Variants in IFT122 observed in about 807,000 individuals in gnomAD.
IFT122 encodes intraflagellar transport 122, also known as intraflagellar transport protein 122 homolog.
A neutral mutation model predicts 161.6 loss-of-function variants in IFT122; 118 were observed. The ratio of observed to expected loss-of-function variants is 0.73; its 90% CI spans 0.63 to 0.85. The LOEUF is 0.85. Among genes scored for constraint, IFT122 ranks in the 40% least tolerant of loss-of-function variants. The probability of loss-of-function intolerance (pLI) is 0.00; values close to 1 mark genes in which losing one functional copy is unlikely to be tolerated. For synonymous variants in IFT122, 550 were observed against 602.4 expected (o/e 0.91, Z 1.27); for missense variants, 1,381 against 1,579.6 (o/e 0.87, Z 2.13).
chr3:129,440,914 T>C (rs550331388), intron 1 of IFT122, among the ~76,000 whole-genome samples: 45 of 152,304 alleles, frequency 3.0e-4, no homozygotes, highest in Middle Eastern at 3.4e-3. Flanking sequence ...CTGAACAAGC[T>C]GTAGCTAGCT....
intron 9 of IFT122, among the ~76,000 whole-genome samples, chr3:129,475,729 G>A (rs751139167): frequency 1.1e-4 from 16 of 151,976 alleles, no homozygotes; most frequent in East Asian, 9.7e-4. Context: ...CAGGAAGATC[G>A]CTTGAGTCCA....
chr3:129,491,512 C>A (rs1417645288), intron 16 of IFT122, among the ~76,000 whole-genome samples: 1 of 152,170 alleles, frequency 6.6e-6, no homozygotes, highest in Non-Finnish European at 1.5e-5. Flanking sequence ...ACTGTGAGTT[C>A]AAGGCAAGGG....
chr3:129,477,919 T>C (rs2078151241), intron 11 of IFT122, 97 bp from the exon 12 acceptor site: 2 of 972,526 alleles, frequency 2.1e-6, no homozygotes, highest in East Asian at 4.8e-5. Flanking sequence ...TCACTTTAAT[T>C]GCCAGTAGCG....
At chr3:129,488,091 C>G (rs940675972) in intron 15 of IFT122, 166 bp from the exon 16 acceptor site, 11 of 1,030,206 alleles carry the variant, frequency 1.1e-5, no homozygotes, top group Non-Finnish European at 1.3e-5. Context: ...ATGGAGCACA[C>G]AGGGTGGGCT....
At position 129,467,041 on chromosome 3, in the gene IFT122, G is replaced by A. The variant is rs1432930717; in HGVS notation, c.715G>A (p.Asp239Asn). The A allele has an allele frequency of 1.9e-6, 3 of 1,613,932 alleles. No homozygotes were observed. The highest frequency in any genetic ancestry group is 2.5e-6 in the Non-Finnish European group (3 of 1,180,018). The stretch of plus-strand genomic sequence containing the variant: ...AGAGGAGGAAGAACCAGAGGAAGAG[G>A]ACGACAGTCCCAGGGACGACAACTT... ...EAEEEEPEEE[D>N]DSPRDDNLEE... Residue 239 changes from aspartate to asparagine, a missense_variant, in exon 8 of 30, where the codon GAC becomes AAC. Coordinates refer to ENST00000348417, the MANE Select transcript of IFT122 (RefSeq NM_052989.3).
At chr3:129,508,972 A>T (rs769355730) in intron 23 of IFT122, among the ~76,000 whole-genome samples, 2 of 152,168 alleles carry the variant, frequency 1.3e-5, no homozygotes, top group Non-Finnish European at 2.9e-5. Context: ...TTTCACCAGG[A>T]TCAGACAACT....
chr3:129,493,508 A>G (rs530715397), intron 17 of IFT122, among the ~76,000 whole-genome samples: 1 of 152,324 alleles, frequency 6.6e-6, no homozygotes, highest in East Asian at 1.9e-4. Context: ...TCCATGCAGG[A>G]GGAAATTAAG....
intron 6 of IFT122, among the ~76,000 whole-genome samples, chr3:129,464,192 T>C (rs57400559): frequency 0.13 from 20,203 of 152,258 alleles, 1,719 homozygotes; most frequent in South Asian, 0.24. Flanking sequence ...GCTGTTCAGC[T>C]TCTAGGAGTA....
At chr3:129,476,940 GTTTTCT>G in intron 11 of IFT122, 139 bp downstream of exon 11, 14 of 714,938 alleles carry the variant, frequency 2.0e-5, no homozygotes, top group South Asian at 9.9e-5. Flanking sequence ...TCTGTGTCTT[GTTTTCT>G]TTTTTTTTTT....
chr3:129,456,937 T>A (rs1188119724), intron 3 of IFT122, among the ~76,000 whole-genome samples: 1 of 152,170 alleles, frequency 6.6e-6, no homozygotes, highest in Non-Finnish European at 1.5e-5. Flanking sequence ...ACTTTACAGA[T>A]ACTATCTTAG....
At chr3:129,448,640 A>G (rs1577193285) in intron 1 of IFT122, among the ~76,000 whole-genome samples, 1 of 152,062 alleles carries the variant, frequency 6.6e-6, no homozygotes, top group Non-Finnish European at 1.5e-5. Context: ...TTCTATTGGC[A>G]CAGCTGCCGG....
intron 12 of IFT122, 99 bp downstream of exon 12, chr3:129,478,317 A>C (rs2078206679): frequency 1.9e-5 from 18 of 967,826 alleles, no homozygotes; most frequent in South Asian, 1.8e-4. Context: ...TGGTCACTAG[A>C]AAACAAGTCT....
chr3:129,502,831 T>C lies in IFT122; in HGVS notation c.2496T>C (p.Gly832=), dbSNP rs1488205705. The C allele has an allele frequency of 7.4e-6, 12 of 1,612,860 alleles. No homozygotes were observed. The highest frequency in any genetic ancestry group is 1.3e-5 in the African/African-American group (1 of 74,916). The change falls in exon 20 of 30, where the codon GGT becomes GGC. Residue 832 remains glycine (G), a synonymous_variant. Coordinates refer to ENST00000348417, the MANE Select transcript of IFT122 (RefSeq NM_052989.3). Reference sequence around the variant, plus strand: ...CTGCTGAGACCTACCTGAAGATGGGTGACCTCAAGTCCCTGGTGCAGCTGC... The same window carrying C: ...CTGCTGAGACCTACCTGAAGATGGGCGACCTCAAGTCCCTGGTGCAGCTGC... ...GYAAETYLKM[G]DLKSLVQLHV... is the part of the protein sequence containing the mutation.
At position 129,514,211 on chromosome 3, in the gene IFT122, G is replaced by C. The variant is rs796412296; in HGVS notation, c.2988-178G>C. ...ATCTTTGGAAAAATTCCTGGGCCTT[G>C]CCATCCGAGAAGTACACTCACCTCT... On this transcript the variant is annotated intron_variant, in intron 24 of 29. Transcript: ENST00000348417. The C allele has an allele frequency of 4.4e-5, 32 of 729,056 alleles. No individual in the cohort carries two copies. The African/African-American group carries it at 4.7e-4, about 11-fold the overall frequency. 45.2% of individuals were successfully genotyped at this position (729,056 alleles called of 1,614,324 possible).
chr3:129,450,956 G>A (rs1039565020), intron 2 of IFT122, among the ~76,000 whole-genome samples: 2 of 151,864 alleles, frequency 1.3e-5, no homozygotes, highest in Non-Finnish European at 2.9e-5. Context: ...TCCTGACCTC[G>A]TAATCCACCC....
chr3:129,459,919 A>C (rs2076045541), intron 4 of IFT122, among the ~76,000 whole-genome samples: 1 of 151,678 alleles, frequency 6.6e-6, no homozygotes, highest in Non-Finnish European at 1.5e-5. Context: ...ACACCAGGCC[A>C]ATTTTTAAAT....
intron 25 of IFT122, 23 bp from the exon 26 acceptor site, chr3:129,515,465 G>A (rs773825436): frequency 2.1e-5 from 24 of 1,122,542 alleles, no homozygotes; most frequent in African/African-American, 9.8e-5. Context: ...CCGGCCCCTC[G>A]GGAGTCCGTG....
intron 29 of IFT122, 70 bp from the exon 30 acceptor site, chr3:129,520,106 G>A (rs527540867): frequency 7.1e-5 from 92 of 1,302,040 alleles, no homozygotes; most frequent in Admixed American, 3.2e-4. Flanking sequence ...GAGGCAGTGC[G>A]TCCTGGCCCC....
intron 27 of IFT122, 142 bp from the exon 28 acceptor site, chr3:129,518,965 C>T (rs2084377394): frequency 3.9e-6 from 3 of 770,930 alleles, no homozygotes; most frequent in African/African-American, 1.7e-5. Flanking sequence ...GATTCCTTGG[C>T]CTGAGCCCCC....
Sources: gnomAD v4.1 joint callset for allele counts (sites outside exome capture counted in the v4.1 genomes callset) on GRCh38, gnomAD v4.1.1 for gene constraint, MANE v1.5 for transcripts, NCBI Gene and HGNC (gene_info 2026-07-23, HGNC 2026-07-21) for gene names.